Variants in DAB2 observed in about 807,000 individuals in gnomAD.
DAB2 encodes DAB adaptor protein 2, also known as disabled homolog 2.
In DAB2, 28 loss-of-function variants were observed where a neutral mutation model predicts 71.6. The observed-to-expected ratio is 0.39, with a 90% CI of 0.29 to 0.54. DAB2 has a LOEUF of 0.54. DAB2 is among the 20% of genes least tolerant of loss of function. The probability of loss-of-function intolerance (pLI) is 0.68; values close to 1 mark genes in which losing one functional copy is unlikely to be tolerated. For missense variants in DAB2, 867 were observed against 928.8 expected (o/e 0.93, Z 0.86); for synonymous variants, 345 against 339.7 (o/e 1.02, Z -0.17).
At chr5:39,392,193 T>C (rs1755245890) in intron 4 of DAB2, 172 bp downstream of exon 4, 1 of 630,278 alleles carries the variant, frequency 1.6e-6, no homozygotes. Flanking sequence ...ATCAAGTATC[T>C]TGACTTTTAC....
At chr5:39,411,911 T>C (rs1755741714) in intron 1 of DAB2, among the ~76,000 whole-genome samples, 1 of 152,124 alleles carries the variant, frequency 6.6e-6, no homozygotes, top group Non-Finnish European at 1.5e-5. Context: ...GAACAATTAG[T>C]TCCATCAAGG....
At chr5:39,406,614 C>T (rs887827259) in intron 1 of DAB2, among the ~76,000 whole-genome samples, 1 of 152,066 alleles carries the variant, frequency 6.6e-6, no homozygotes, top group African/African-American at 2.4e-5. Flanking sequence ...GAACATATAC[C>T]AAGAAAGCAC....
At chr5:39,415,841 T>A (rs1755832364) in intron 1 of DAB2, among the ~76,000 whole-genome samples, 1 of 152,142 alleles carries the variant, frequency 6.6e-6, no homozygotes, top group South Asian at 2.1e-4. Flanking sequence ...TGCAGAAAAC[T>A]GAACATTTGC....
intron 13 of DAB2, among the ~76,000 whole-genome samples, chr5:39,375,757 G>A (rs1004973348): frequency 3.3e-5 from 5 of 152,042 alleles, no homozygotes; most frequent in Admixed American, 6.5e-5. Context: ...GTGGTGGCAC[G>A]TGCCTATAGT....
rs75469790 is a variant in DAB2, at chr5:39,397,028, G to A, written c.-101-2607C>T. Reference sequence around the variant, plus strand: ...CATGTTGGCTCTGCCAGTAAGGTGCGCTGGAGGGAAACTGCCAAGCTGGTG... The same window carrying A: ...CATGTTGGCTCTGCCAGTAAGGTGCACTGGAGGGAAACTGCCAAGCTGGTG... On this transcript the variant is annotated intron_variant, in intron 1 of 14. Transcript: ENST00000320816. Among the ~76,000 whole-genome samples, 427 of 152,276 alleles carry A rather than the reference G, an allele frequency of 2.8e-3. 3 individuals carry two copies. Among genetic ancestry groups the A allele is most frequent in the African/African-American group, 9.9e-3 (410 of 41,550 alleles).
chr5:39,383,247 C>A lies in DAB2; in HGVS notation c.712G>T (p.Asp238Tyr). ...TTGGTGTCGATTTCAGAGTTTAGAT[C>A]CACTAACAGGATATCTTTGCTTTCC... is the stretch of plus-strand genomic sequence containing the variant. ...PTESKDILLV[D>Y]LNSEIDTNQN... Residue 238 changes from aspartate (D) to tyrosine (Y), a missense_variant, in exon 10 of 15, where the codon GAT becomes TAT. Coordinates refer to ENST00000320816, the MANE Select transcript of DAB2 (RefSeq NM_001343.4). 6.2e-7 allele frequency: 1 copy of A among 1,611,258 alleles called. No homozygotes were observed. Among genetic ancestry groups the A allele is most frequent in the Non-Finnish European group, 8.5e-7 (1 of 1,178,084 alleles).
intron 11 of DAB2, among the ~76,000 whole-genome samples, chr5:39,379,355 A>C (rs1370095843): frequency 7.0e-6 from 1 of 142,728 alleles, no homozygotes; most frequent in East Asian, 2.1e-4. Context: ...AGAGAGGCTG[A>C]GGCACTTAAA....
chr5:39,407,352 C>A (rs1261532879), intron 1 of DAB2, among the ~76,000 whole-genome samples: 1 of 152,040 alleles, frequency 6.6e-6, no homozygotes, highest in Admixed American at 6.5e-5. Flanking sequence ...CCTGAGAAGT[C>A]GGGACTACAG....
intron 1 of DAB2, among the ~76,000 whole-genome samples, chr5:39,415,096 T>C (rs563659033): frequency 3.5e-4 from 54 of 152,296 alleles, no homozygotes; most frequent in African/African-American, 1.2e-3. Flanking sequence ...TAGTATTACA[T>C]CAAGGAATTA....
intron 1 of DAB2, among the ~76,000 whole-genome samples, chr5:39,421,693 G>A (rs918658619): frequency 6.6e-6 from 1 of 152,042 alleles, no homozygotes; most frequent in African/African-American, 2.4e-5. Flanking sequence ...ATTTCCACCA[G>A]TTAATCCAGT....
At chr5:39,377,385 C>T (rs532640442) in intron 11 of DAB2, 103 bp from the exon 12 acceptor site, 431 of 1,198,324 alleles carry the variant, frequency 3.6e-4, no homozygotes, top group Non-Finnish European at 4.7e-4. Context: ...ACAGCTAACA[C>T]CTCCATTGAG....
chr5:39,403,892 CCTT>C (rs1180985501), intron 1 of DAB2, among the ~76,000 whole-genome samples: 1 of 151,848 alleles, frequency 6.6e-6, no homozygotes, highest in Non-Finnish European at 1.5e-5. Flanking sequence ...ACAGTCCTCT[CCTT>C]GCGATAGTTT....
chr5:39,402,581 C>T (rs1269973537), intron 1 of DAB2, among the ~76,000 whole-genome samples: 4 of 152,074 alleles, frequency 2.6e-5, no homozygotes, highest in Non-Finnish European at 4.4e-5. Context: ...CACACCTGGC[C>T]AATTTTTTGT....
chr5:39,423,264 T>C (rs1756029636), intron 1 of DAB2, among the ~76,000 whole-genome samples: 1 of 4,698 alleles, frequency 2.1e-4, no homozygotes, highest in Non-Finnish European at 5.4e-4. Flanking sequence ...AAGTGGTCTG[T>C]CCCAGAAATC....
At chr5:39,383,335 A>G in intron 9 of DAB2, 64 bp from the exon 10 acceptor site, 1 of 1,231,726 alleles carries the variant, frequency 8.1e-7, no homozygotes, top group Non-Finnish European at 1.1e-6. Context: ...AAATGAGAAA[A>G]TTACATAAGA....
chr5:39,416,085 T>G lies in DAB2; in HGVS notation c.-102+8719A>C, dbSNP rs573322703. Among the ~76,000 whole-genome samples the G allele has an allele frequency of 2.0e-5, 3 of 152,038 alleles. No individual in the cohort carries two copies. The East Asian group carries it at 5.8e-4, about 29-fold the overall frequency. On this transcript the variant is annotated intron_variant, in intron 1 of 14. Transcript: ENST00000320816. ...TTTTTTTTTTTACTTAGTTCCAGCA[T>G]TTTTCCTCAACCTTGCCTCACCGCC...
Position 39,376,682 on chromosome 5 carries a change from A to G in DAB2, c.2105T>C (p.Phe702Ser). The G allele has an allele frequency of 1.2e-6, 2 of 1,614,102 alleles. No homozygotes were observed. The highest frequency in any genetic ancestry group is 2.2e-5 in the East Asian group (1 of 44,876). Residue 702 changes from phenylalanine to serine, a missense_variant, in exon 12 of 15, where the codon TTT becomes TCT. Phe to Ser is a radical substitution (Grantham distance 155). Coordinates refer to ENST00000320816, the MANE Select transcript of DAB2 (RefSeq NM_001343.4). ...CTTGTTCAATAGTTGATTAGCATCA[A>G]AGTCATCATGGTCTGCATTCTCCTG... ...IPQENADHDD[F>S]DANQLLNKIN... is the part of the protein sequence containing the mutation.
intron 11 of DAB2, among the ~76,000 whole-genome samples, 154 bp from the exon 12 acceptor site, chr5:39,377,436 T>G (rs1199830898): frequency 6.6e-6 from 1 of 152,214 alleles, no homozygotes; most frequent in African/African-American, 2.4e-5. Context: ...GATTAATCAC[T>G]GTAAAAGTTA....
rs189171456 is a variant in DAB2, at chr5:39,382,274, G to A, written c.1341+344C>T. Among the ~76,000 whole-genome samples, 22 of 152,184 alleles carry A rather than the reference G, an allele frequency of 1.4e-4. No homozygotes were observed. The East Asian group carries it at 4.1e-3, about 28-fold the overall frequency. On this transcript the variant is annotated intron_variant, in intron 10 of 14. Coordinates refer to ENST00000320816, the MANE Select transcript of DAB2 (RefSeq NM_001343.4). ...GTGTTAGTGTCAGGGAAGTACAAAG[G>A]GAATCACAAGAACTCTCACCCTCCC... is the stretch of plus-strand genomic sequence containing the variant.
Sources: allele counts gnomAD v4.1 joint callset (sites outside exome capture counted in the v4.1 genomes callset), GRCh38; gene constraint gnomAD v4.1.1; transcripts MANE v1.5; gene names NCBI Gene and HGNC (gene_info 2026-07-23, HGNC 2026-07-21).